Variants in NUAK1 observed in about 807,000 individuals in gnomAD.
The protein encoded by NUAK1 is NUAK family SNF1-like kinase 1.
NUAK1 carries 26 observed loss-of-function variants against 56.9 expected under a neutral mutation model. The ratio of observed to expected loss-of-function variants is 0.46; its 90% CI spans 0.33 to 0.63. NUAK1 has a LOEUF of 0.63. Among genes scored for constraint, NUAK1 ranks in the 30% least tolerant of loss-of-function variants. NUAK1 has a pLI of 0.02. For missense variants in NUAK1, 727 were observed against 876.1 expected (o/e 0.83, Z 2.15); for synonymous variants, 337 against 336.0 (o/e 1.00, Z -0.03).
At chr12:106,072,930 A>C in intron 4 of NUAK1, 87 bp from the exon 5 acceptor site, 1 of 1,489,568 alleles carries the variant, frequency 6.7e-7, no homozygotes. Flanking sequence ...CAGCACACAG[A>C]GTGGATGAAG....
rs199583723 is a variant in NUAK1 at position 106,066,791 on chromosome 12, G to T, written c.*11C>A. On this transcript the variant is annotated 3_prime_UTR_variant, in exon 7 of 7. Transcript: ENST00000261402. ...CTCGTACCCCCGCCCGCCCCTGGGC[G>T]CCCTGGAATGCTAGTTGAGCTTGCT... is the stretch of plus-strand genomic sequence containing the variant. The T allele has an allele frequency of 6.3e-7, 1 of 1,595,158 alleles. No homozygotes were observed. Among genetic ancestry groups the T allele is most frequent in the Non-Finnish European group, 8.6e-7 (1 of 1,167,812 alleles).
rs1439449798 is a variant in NUAK1 at position 106,064,850 on chromosome 12, T to C, written c.*1952A>G. On this transcript the variant is annotated 3_prime_UTR_variant, in exon 7 of 7. Coordinates refer to ENST00000261402, the MANE Select transcript of NUAK1 (RefSeq NM_014840.3). ...AGAATTTTTTTTTTCCCTTTTAACC[T>C]CTATTAGAGTTCAGGAAGGAGGTGG... 1 of 131,664 alleles carries C rather than the reference T, an allele frequency of 7.6e-6. No homozygotes were observed. The highest frequency in any genetic ancestry group is 1.6e-5 in the Non-Finnish European group (1 of 64,014). The allele number at this position is 131,664 out of a possible 1,614,324, so 8.2% of individuals were successfully genotyped here.
rs2033149608 is a variant in NUAK1 at position 106,138,339 on chromosome 12, C to A, written c.240+75G>T. The stretch of plus-strand genomic sequence containing the variant: ...AAGAGAGCCCCAGGGCGCACAGACC[C>A]CCGCCTCGCACGCCCTCAGTCCCCG... On this transcript the variant is annotated intron_variant, in intron 1 of 6. Coordinates refer to ENST00000261402, the MANE Select transcript of NUAK1 (RefSeq NM_014840.3). This position sits in a 1 kb window ranked among gnomAD's most constrained non-coding sequence, Gnocchi z 5.0. 3 of 1,514,406 alleles carry A rather than the reference C, an allele frequency of 2.0e-6. No individual in the cohort carries two copies. In the African/African-American group the frequency reaches 4.2e-5, roughly 21 times the overall value. The allele number at this position is 1,514,406 out of a possible 1,614,324, so 93.8% of individuals were successfully genotyped here. A position where few individuals can be genotyped will look rare whatever the true frequency, so the allele number is the denominator to read the frequency against.
intron 1 of NUAK1, among the ~76,000 whole-genome samples, chr12:106,107,140 C>A (rs1473127884): frequency 6.6e-6 from 1 of 152,100 alleles, no homozygotes; most frequent in Non-Finnish European, 1.5e-5. Flanking sequence ...CTTCTGGAGA[C>A]AAATCAGGGT....
chr12:106,085,075 A>T (rs2032557814), intron 3 of NUAK1, among the ~76,000 whole-genome samples: 1 of 152,252 alleles, frequency 6.6e-6, no homozygotes, highest in African/African-American at 2.4e-5. Flanking sequence ...AGAAATGCAC[A>T]AAACCGAGTC....
At chr12:106,086,283 T>C (rs1448656267) in intron 3 of NUAK1, among the ~76,000 whole-genome samples, 2 of 152,174 alleles carry the variant, frequency 1.3e-5, no homozygotes, top group African/African-American at 4.8e-5. Flanking sequence ...TAAAAAAGCA[T>C]GACACAAACG....
intron 1 of NUAK1, among the ~76,000 whole-genome samples, chr12:106,135,832 T>C (rs2033124534): frequency 6.6e-6 from 1 of 152,222 alleles, no homozygotes; most frequent in Non-Finnish European, 1.5e-5. Context: ...CAAGTTCATA[T>C]TTTAGATGAA....
At chr12:106,069,312 T>G (rs1331800953) in intron 6 of NUAK1, among the ~76,000 whole-genome samples, 1 of 152,212 alleles carries the variant, frequency 6.6e-6, no homozygotes, top group African/African-American at 2.4e-5. Context: ...GCCTTCTTAT[T>G]TCAGTTCTCA....
Position 106,067,378 on chromosome 12 carries a change from C to T in NUAK1, c.1410G>A (p.Lys470=), listed in dbSNP as rs751534999. The T allele has an allele frequency of 6.2e-7, 1 of 1,614,182 alleles. No individual in the cohort carries two copies. The highest frequency in any genetic ancestry group is 1.1e-5 in the South Asian group (1 of 91,084). Residue 470 remains lysine (K), a synonymous_variant, in exon 7 of 7, where the codon AAG becomes AAA. Coordinates refer to ENST00000261402, the MANE Select transcript of NUAK1 (RefSeq NM_014840.3). This position sits in a 1 kb window ranked among gnomAD's most constrained non-coding sequence, Gnocchi z 6.0. ...ATMPKKGILK[K]TQQRESGYYS... is the part of the protein sequence containing the mutation. ...AGTAACCTGATTCTCTCTGCTGGGTCTTTTTCAAGATGCCTTTCTTGGGCA... is the reference window on the plus strand; with the variant it reads ...AGTAACCTGATTCTCTCTGCTGGGTTTTTTTCAAGATGCCTTTCTTGGGCA...
At chr12:106,106,378 G>C in intron 2 of NUAK1, 27 bp downstream of exon 2, 2 of 1,520,140 alleles carry the variant, frequency 1.3e-6, no homozygotes, top group Non-Finnish European at 1.8e-6. Context: ...ACTGATATGG[G>C]GGTTAAAAAA....
intron 2 of NUAK1, among the ~76,000 whole-genome samples, chr12:106,092,950 C>T (rs192407366): frequency 1.3e-5 from 2 of 152,126 alleles, no homozygotes; most frequent in East Asian, 1.9e-4. Flanking sequence ...TATTATCAGC[C>T]GATTTGAGGC....
At chr12:106,131,761 G>T (rs1359120681) in intron 1 of NUAK1, among the ~76,000 whole-genome samples, 1 of 152,176 alleles carries the variant, frequency 6.6e-6, no homozygotes. Context: ...GAAATGCCCA[G>T]CCCTGGTTTT....
At chr12:106,089,449 T>C (rs190131797) in intron 2 of NUAK1, among the ~76,000 whole-genome samples, 27 of 152,348 alleles carry the variant, frequency 1.8e-4, no homozygotes, top group Non-Finnish European at 2.9e-4. Context: ...CCAAATATTT[T>C]ACTAAGCAGC....
chr12:106,070,716 T>G, intron 6 of NUAK1, 58 bp downstream of exon 6: 1 of 1,596,260 alleles, frequency 6.3e-7, no homozygotes, highest in Admixed American at 1.7e-5. Context: ...AAAATAAGAG[T>G]TGGGTAAGCA....
rs529254406 is a variant in NUAK1 at position 106,071,038 on chromosome 12, T to C, written c.700-132A>G. On this transcript the variant is annotated intron_variant, in intron 5 of 6. Coordinates refer to ENST00000261402, the MANE Select transcript of NUAK1 (RefSeq NM_014840.3). ...GGAACTGAATTTAGCACCTGGAAGA[T>C]AGGTTCCTAGTGCAGCCTGACACCT... is the stretch of plus-strand genomic sequence containing the variant. The C allele has an allele frequency of 4.5e-6, 4 of 887,370 alleles. No homozygotes were observed. In the African/African-American group the frequency reaches 6.6e-5, roughly 15 times the overall value. The allele number at this position is 887,370 out of a possible 1,614,324, so 55.0% of individuals were successfully genotyped here. A position where few individuals can be genotyped will look rare whatever the true frequency, so the allele number is the denominator to read the frequency against.
intron 1 of NUAK1, among the ~76,000 whole-genome samples, chr12:106,128,255 C>T (rs1387709063): frequency 6.6e-6 from 1 of 151,640 alleles, no homozygotes; most frequent in African/African-American, 2.4e-5. Flanking sequence ...CCTCAGCCTA[C>T]TGAGTAGTTG....
intron 1 of NUAK1, among the ~76,000 whole-genome samples, chr12:106,107,040 G>A (rs1229931857): frequency 6.6e-6 from 1 of 152,172 alleles, no homozygotes; most frequent in Non-Finnish European, 1.5e-5. Context: ...GCTATGCTGT[G>A]TTTACGCAAG....
intron 2 of NUAK1, among the ~76,000 whole-genome samples, chr12:106,091,052 C>G (rs2032629700): frequency 1.3e-5 from 2 of 152,202 alleles, no homozygotes; most frequent in Admixed American, 1.3e-4. Flanking sequence ...TACAAGGTGA[C>G]AGGGATACTC....
chr12:106,085,909 G>A (rs1372455717), intron 3 of NUAK1, among the ~76,000 whole-genome samples: 1 of 151,998 alleles, frequency 6.6e-6, no homozygotes, highest in East Asian at 1.9e-4. Context: ...ATCTTGCTAT[G>A]TTGCCCTGGC....
Sources: gnomAD v4.1 joint callset for allele counts (sites outside exome capture counted in the v4.1 genomes callset) on GRCh38, gnomAD v4.1.1 for gene constraint, Gnocchi (gnomAD v3.1) non-coding constraint, MANE v1.5 for transcripts, NCBI Gene and HGNC (gene_info 2026-07-23, HGNC 2026-07-21) for gene names.